Variants in EPHA3 observed in about 807,000 individuals in gnomAD.
EPHA3 encodes the protein ephrin type-A receptor 3.
Under a neutral mutation model 107.1 loss-of-function variants are expected in EPHA3, and 42 were observed. That is an observed-to-expected ratio of 0.39 (90% CI 0.31 to 0.51). The LOEUF (loss-of-function observed/expected upper bound fraction) is 0.51. Ranked by LOEUF, EPHA3 falls within the 20% of genes least tolerant of loss-of-function variation. The probability of loss-of-function intolerance (pLI) is 0.78; values close to 1 mark genes in which losing one functional copy is unlikely to be tolerated. For synonymous variants in EPHA3, 461 were observed against 424.8 expected, an observed-to-expected ratio of 1.09 and a Z score of -1.05; for missense variants, 1,183 against 1,211.2, an observed-to-expected ratio of 0.98 and a Z score of 0.35.
intron 2 of EPHA3, among the ~76,000 whole-genome samples, chr3:89,185,623 T>A (rs945575566): frequency 2.6e-5 from 4 of 152,038 alleles, no homozygotes; most frequent in Non-Finnish European, 5.9e-5. Flanking sequence ...GTGAAGTAGG[T>A]GGGATTGGAG....
chr3:89,339,914 G>A (rs557906354), intron 3 of EPHA3, among the ~76,000 whole-genome samples: 3 of 152,176 alleles, frequency 2.0e-5, no homozygotes, highest in South Asian at 2.1e-4. Flanking sequence ...GGATCATCTT[G>A]AATCTAAAAT....
intron 2 of EPHA3, among the ~76,000 whole-genome samples, chr3:89,161,274 T>C (rs1025415894): frequency 6.6e-6 from 1 of 152,202 alleles, no homozygotes; most frequent in African/African-American, 2.4e-5. Context: ...TCAAAAATTA[T>C]AGAAGAAATA....
intron 3 of EPHA3, among the ~76,000 whole-genome samples, chr3:89,317,385 C>A (rs527547084): frequency 6.6e-6 from 1 of 151,814 alleles, no homozygotes; most frequent in African/African-American, 2.4e-5. Flanking sequence ...TCTGGCCCTG[C>A]ACTGCCAATA....
chr3:89,392,436 C>CTAAAA (rs780381965), intron 5 of EPHA3, among the ~76,000 whole-genome samples: 1 of 146,668 alleles, frequency 6.8e-6, no homozygotes, highest in African/African-American at 2.5e-5. Context: ...GAAACTCCAT[C>CTAAAA]GAAAAAAAAA....
chr3:89,440,032 T>C (rs1709753816), intron 13 of EPHA3, among the ~76,000 whole-genome samples: 1 of 152,104 alleles, frequency 6.6e-6, no homozygotes, highest in African/African-American at 2.4e-5. Flanking sequence ...ACCTAAAGGA[T>C]CATTTATCTC....
At chr3:89,230,715 C>T (rs956644122) in intron 3 of EPHA3, among the ~76,000 whole-genome samples, 26 of 151,726 alleles carry the variant, frequency 1.7e-4, no homozygotes, top group Admixed American at 7.9e-4. Flanking sequence ...TACTTTACTT[C>T]GCTTTATCTT....
At chr3:89,374,182 C>A (rs1376273506) in intron 5 of EPHA3, among the ~76,000 whole-genome samples, 1 of 151,828 alleles carries the variant, frequency 6.6e-6, no homozygotes, top group Admixed American at 6.6e-5. Flanking sequence ...CAAAAATACA[C>A]CAAGTATACC....
chr3:89,446,823 A>G (rs1437746301), intron 13 of EPHA3, among the ~76,000 whole-genome samples: 1 of 152,040 alleles, frequency 6.6e-6, no homozygotes, highest in Non-Finnish European at 1.5e-5. Flanking sequence ...AAGTATACTT[A>G]TACGCTTTCA....
intron 1 of EPHA3, among the ~76,000 whole-genome samples, chr3:89,111,993 A>C (rs927008328): frequency 5.9e-5 from 9 of 152,056 alleles, no homozygotes; most frequent in Non-Finnish European, 1.2e-4. Flanking sequence ...AATTATTGTT[A>C]CTGTAGTTGA....
At chr3:89,207,285 T>G (rs1448694097) in intron 2 of EPHA3, among the ~76,000 whole-genome samples, 1 of 152,132 alleles carries the variant, frequency 6.6e-6, no homozygotes, top group Non-Finnish European at 1.5e-5. Context: ...GAATTAAAAT[T>G]TCTGTGTCTT....
chr3:89,398,759 T>G (rs1197615174), intron 6 of EPHA3, among the ~76,000 whole-genome samples: 2 of 152,178 alleles, frequency 1.3e-5, no homozygotes, highest in African/African-American at 4.8e-5. Context: ...TAAAGCCAAA[T>G]TTTTCCTGCT....
intron 14 of EPHA3, 89 bp from the exon 15 acceptor site, chr3:89,450,088 C>G: frequency 9.5e-7 from 1 of 1,055,482 alleles, no homozygotes; most frequent in Non-Finnish European, 1.3e-6. Flanking sequence ...TTAAAATAAG[C>G]ATATTTGTGA....
chr3:89,377,440 A>G (rs979584288), intron 5 of EPHA3, among the ~76,000 whole-genome samples: 5 of 152,194 alleles, frequency 3.3e-5, no homozygotes, highest in Admixed American at 2.0e-4. Context: ...TCCATTTAAC[A>G]GTTATTCCTA....
chr3:89,138,655 G>A (rs988498357), intron 2 of EPHA3, among the ~76,000 whole-genome samples: 2 of 151,696 alleles, frequency 1.3e-5, no homozygotes, highest in Non-Finnish European at 2.9e-5. Flanking sequence ...AGAACAAATA[G>A]GAATCAGAAA....
intron 5 of EPHA3, among the ~76,000 whole-genome samples, chr3:89,391,399 TTTC>T (rs1341270361): frequency 6.8e-6 from 1 of 147,318 alleles, no homozygotes; most frequent in Non-Finnish European, 1.5e-5. Flanking sequence ...TTTCTTTTCT[TTTC>T]TTTTCTTTTC....
intron 15 of EPHA3, among the ~76,000 whole-genome samples, chr3:89,453,865 A>G (rs1710045380): frequency 6.6e-6 from 1 of 152,102 alleles, no homozygotes; most frequent in Admixed American, 6.6e-5. Flanking sequence ...GCACCTACCC[A>G]TATCGTCCTT....
chr3:89,339,944 T>G (rs961758390), intron 3 of EPHA3, among the ~76,000 whole-genome samples: 3 of 152,192 alleles, frequency 2.0e-5, no homozygotes, highest in African/African-American at 7.2e-5. Flanking sequence ...AAATTCCTTC[T>G]CAAATGAATT....
chr3:89,357,493 T>C (rs1450594032), intron 5 of EPHA3, among the ~76,000 whole-genome samples: 1 of 151,180 alleles, frequency 6.6e-6, no homozygotes, highest in African/African-American at 2.4e-5. Flanking sequence ...GTTTAGCTTA[T>C]CACGCTATTT....
At chr3:89,458,778 C>A (rs1027504900) in intron 15 of EPHA3, among the ~76,000 whole-genome samples, 2 of 152,088 alleles carry the variant, frequency 1.3e-5, no homozygotes. Context: ...TGGAACCAAC[C>A]CAAATGCCCA....
Sources: allele counts gnomAD v4.1 joint callset (sites outside exome capture counted in the v4.1 genomes callset), GRCh38; gene constraint gnomAD v4.1.1; transcripts MANE v1.5; gene names NCBI Gene and HGNC (gene_info 2026-07-23, HGNC 2026-07-21).